Variants in CUL2 observed in about 807,000 individuals in gnomAD.
The protein encoded by CUL2 is cullin-2.
Under a neutral mutation model 110.2 loss-of-function variants are expected in CUL2, and 22 were observed. That is an observed-to-expected ratio of 0.20 (90% CI 0.14 to 0.28). CUL2 has a LOEUF of 0.28. Among genes scored for constraint, CUL2 ranks in the 10% least tolerant of loss-of-function variants. The probability of loss-of-function intolerance (pLI) is 1.00; values close to 1 mark genes in which losing one functional copy is unlikely to be tolerated. For missense variants in CUL2, 631 were observed against 905.5 expected (o/e 0.70, Z 3.89); for synonymous variants, 279 against 293.2 (o/e 0.95, Z 0.49).
At chr10:35,021,318 G>A (rs569426247) in intron 17 of CUL2, among the ~76,000 whole-genome samples, 1 of 150,294 alleles carries the variant, frequency 6.7e-6, no homozygotes, top group East Asian at 2.0e-4. Context: ...GTGCAGTGGC[G>A]TGATCTCGGC....
chr10:35,092,317 T>C (rs545970703), upstream of CUL2, among the ~76,000 whole-genome samples: 5 of 152,352 alleles, frequency 3.3e-5, no homozygotes, highest in East Asian at 9.6e-4. Flanking sequence ...ACGGACACTA[T>C]TGATGCCTTA....
chr10:35,040,169 A>G (rs1399723707), intron 8 of CUL2, among the ~76,000 whole-genome samples: 1 of 152,188 alleles, frequency 6.6e-6, no homozygotes, highest in Admixed American at 6.5e-5. Flanking sequence ...ATAAATATAA[A>G]TAAAAAATAA....
intron 1 of CUL2, among the ~76,000 whole-genome samples, chr10:35,114,082 GTT>G (rs112847858): frequency 2.2e-5 from 3 of 137,990 alleles, no homozygotes; most frequent in Non-Finnish European, 1.6e-5. Flanking sequence ...TAATTTTTGG[GTT>G]TTTTTTTTTT....
chr10:35,050,113 G>C (rs1438526348), intron 5 of CUL2, among the ~76,000 whole-genome samples: 1 of 152,024 alleles, frequency 6.6e-6, no homozygotes, highest in Non-Finnish European at 1.5e-5. Context: ...ACGAGGTCAG[G>C]AGATCAAGAC....
chr10:35,064,972 T>TG (rs2086479519), intron 2 of CUL2, among the ~76,000 whole-genome samples: 1 of 152,214 alleles, frequency 6.6e-6, no homozygotes, highest in African/African-American at 2.4e-5. Flanking sequence ...ATACAGTACT[T>TG]CTGCACTGTT....
intron 8 of CUL2, among the ~76,000 whole-genome samples, chr10:35,042,549 A>G (rs2085820753): frequency 6.6e-6 from 1 of 152,112 alleles, no homozygotes; most frequent in African/African-American, 2.4e-5. Context: ...ACTGTGGGTC[A>G]TAAGACCCTC....
At chr10:35,043,364 C>G (rs2134794202) in intron 8 of CUL2, among the ~76,000 whole-genome samples, 1 of 151,556 alleles carries the variant, frequency 6.6e-6, no homozygotes, top group South Asian at 2.1e-4. Context: ...GTAACCTGAA[C>G]TTAATTGATG....
At chr10:35,101,814 G>A (rs773033063) in intron 1 of CUL2, among the ~76,000 whole-genome samples, 4 of 152,184 alleles carry the variant, frequency 2.6e-5, no homozygotes, top group African/African-American at 7.2e-5. Flanking sequence ...GCTTGTGCTC[G>A]GCTCCCTGCT....
At chr10:35,025,936 T>C (rs1429731437) in intron 16 of CUL2, among the ~76,000 whole-genome samples, 2 of 152,202 alleles carry the variant, frequency 1.3e-5, no homozygotes, top group Non-Finnish European at 2.9e-5. Context: ...ATGTACCATA[T>C]ATAACATACT....
At chr10:35,052,907 GAA>G (rs576908955) in intron 5 of CUL2, among the ~76,000 whole-genome samples, 7 of 134,470 alleles carry the variant, frequency 5.2e-5, no homozygotes, top group African/African-American at 1.9e-4. Context: ...AAAAAAAAAA[GAA>G]AAAAAAAAAT....
intron 1 of CUL2, among the ~76,000 whole-genome samples, chr10:35,111,482 C>T (rs1246737724): frequency 6.6e-6 from 1 of 152,176 alleles, no homozygotes; most frequent in Non-Finnish European, 1.5e-5. Context: ...TGGTCTCAAA[C>T]TCCTGGCCTC....
chr10:35,013,432 T>TATTAC (rs2084953381), intron 19 of CUL2, among the ~76,000 whole-genome samples: 1 of 152,126 alleles, frequency 6.6e-6, no homozygotes, highest in African/African-American at 2.4e-5. Flanking sequence ...ATGTGGGAAT[T>TATTAC]TTCGGAGAGA....
upstream of CUL2, among the ~76,000 whole-genome samples, chr10:35,093,659 C>CAAA (rs58582764): frequency 9.1e-5 from 8 of 87,770 alleles, no homozygotes; most frequent in African/African-American, 2.2e-4. Flanking sequence ...GACCTTCTCT[C>CAAA]AAAAAAAAAA....
chr10:35,035,811 T>C (rs140595641), intron 9 of CUL2, among the ~76,000 whole-genome samples: 2 of 152,314 alleles, frequency 1.3e-5, no homozygotes, highest in African/African-American at 2.4e-5. Flanking sequence ...TGTGTCAAAG[T>C]TTAATCTTGT....
rs1479558136 is a variant in CUL2, at chr10:35,017,932, C to T, written c.1685-1538G>A. ...CAGATCAAAGAGCTGCTTCCTAAAG[C>T]ACGAAGTTGTGGTTTGACGACTAAC... On this transcript the variant is annotated intron_variant, in intron 17 of 20. Transcript: ENST00000374749. Among the ~76,000 whole-genome samples the T allele has an allele frequency of 4.0e-5, 6 of 150,562 alleles. No individual in the cohort carries two copies. In the South Asian group the frequency reaches 1.0e-3, roughly 26 times the overall value.
At chr10:35,120,379 A>T (rs2087663492) in intron 1 of CUL2, 1 of 152,192 alleles carries the variant, frequency 6.6e-6, no homozygotes, top group South Asian at 2.1e-4. Context: ...CTTTCTCAAT[A>T]AATAAATAAC....
intron 1 of CUL2, among the ~76,000 whole-genome samples, chr10:35,117,311 C>T (rs879569429): frequency 6.6e-6 from 1 of 152,188 alleles, no homozygotes; most frequent in Admixed American, 6.5e-5. Flanking sequence ...GATCTTGGCT[C>T]ACTGCAGCCT....
intron 1 of CUL2, among the ~76,000 whole-genome samples, chr10:35,084,019 G>A (rs1363349984): frequency 1.3e-5 from 2 of 152,186 alleles, no homozygotes; most frequent in Admixed American, 6.5e-5. Flanking sequence ...GCTCACACCT[G>A]TAATCCCAGC....
intron 9 of CUL2, among the ~76,000 whole-genome samples, chr10:35,036,821 C>A (rs1392406833): frequency 6.6e-6 from 1 of 151,978 alleles, no homozygotes; most frequent in Non-Finnish European, 1.5e-5. Flanking sequence ...GCAACCACCA[C>A]CTCCCAGATT....
Sources: allele counts gnomAD v4.1 joint callset (sites outside exome capture counted in the v4.1 genomes callset), GRCh38; gene constraint gnomAD v4.1.1; transcripts MANE v1.5; gene names NCBI Gene and HGNC (gene_info 2026-07-23, HGNC 2026-07-21).